The following DLGAP2 variants were observed in gnomAD, a reference collection of about 807,000 sequenced individuals.
DLGAP2 encodes disks large-associated protein 2.
In DLGAP2, 26 loss-of-function variants were observed where a neutral mutation model predicts 100.3. The observed-to-expected ratio is 0.26, with a 90% CI of 0.19 to 0.36. The LOEUF is 0.36. Among genes scored for constraint, DLGAP2 ranks in the 10% least tolerant of loss-of-function variants. DLGAP2 has a pLI of 1.00. For missense variants in DLGAP2, 1,858 were observed against 1,453.2 expected, an observed-to-expected ratio of 1.28 and a Z score of -4.53; for synonymous variants, 886 against 630.1, an observed-to-expected ratio of 1.41 and a Z score of -6.08.
intron 1 of DLGAP2, among the ~76,000 whole-genome samples, chr8:747,515 C>A (rs529715392): frequency 1.2e-5 from 1 of 85,828 alleles, no homozygotes; most frequent in African/African-American, 4.8e-5. Flanking sequence ...AGGACACAGG[C>A]GGCTGGAGGG....
At chr8:1,646,292 C>G (rs1046417041) in intron 8 of DLGAP2, among the ~76,000 whole-genome samples, 3 of 152,212 alleles carry the variant, frequency 2.0e-5, no homozygotes, top group Non-Finnish European at 1.5e-5. Flanking sequence ...CAGCTTGCCA[C>G]TCTCCCTGCA....
intron 14 of DLGAP2, among the ~76,000 whole-genome samples, chr8:1,698,011 T>C (rs1322279890): frequency 6.6e-6 from 1 of 152,188 alleles, no homozygotes; most frequent in East Asian, 1.9e-4. Context: ...TGTTATTAAT[T>C]AAAATGATAA....
chr8:1,381,569 A>G (rs1227033000), intron 3 of DLGAP2, among the ~76,000 whole-genome samples: 2 of 152,036 alleles, frequency 1.3e-5, no homozygotes, highest in African/African-American at 2.4e-5. Flanking sequence ...TTTGGTTAGC[A>G]TCTCCCCGTT....
At chr8:959,569 C>T (rs1048945764) in intron 2 of DLGAP2, among the ~76,000 whole-genome samples, 2 of 152,236 alleles carry the variant, frequency 1.3e-5, no homozygotes, top group Non-Finnish European at 2.9e-5. Flanking sequence ...AGGCTTGCTT[C>T]CTCACTGGGA....
intron 1 of DLGAP2, among the ~76,000 whole-genome samples, chr8:838,797 G>A (rs942746298): frequency 3.3e-5 from 5 of 152,162 alleles, no homozygotes; most frequent in Admixed American, 1.3e-4. Flanking sequence ...CATGGCTGAC[G>A]GCAGAAAGAA....
At chr8:829,056 A>T (rs1217096802) in intron 1 of DLGAP2, among the ~76,000 whole-genome samples, 1 of 152,174 alleles carries the variant, frequency 6.6e-6, no homozygotes, top group Non-Finnish European at 1.5e-5. Context: ...TGATTTTTTT[A>T]AATTAAACCC....
At chr8:1,531,406 T>G (rs1800986392) in intron 4 of DLGAP2, among the ~76,000 whole-genome samples, 1 of 152,196 alleles carries the variant, frequency 6.6e-6, no homozygotes, top group Non-Finnish European at 1.5e-5. Flanking sequence ...AAAAGCTGTT[T>G]TCTTCATTTA....
rs563392705 is a variant in DLGAP2 at position 1,311,712 on chromosome 8, A to G, written c.106+52829A>G. Among the ~76,000 whole-genome samples the G allele has an allele frequency of 4.6e-5, 7 of 152,220 alleles. No homozygotes were observed. In the East Asian group the frequency reaches 1.4e-3, roughly 29 times the overall value. ...TCATAACTGTTCATGATAAAAAAAA[A>G]AAACTCTTATAAAATTAGAAGTAGA... On this transcript the variant is annotated intron_variant, in intron 3 of 14. Transcript: ENST00000637795.
chr8:1,614,415 G>A (rs1034797857), intron 6 of DLGAP2, among the ~76,000 whole-genome samples: 2 of 152,236 alleles, frequency 1.3e-5, no homozygotes, highest in South Asian at 4.1e-4. Flanking sequence ...AGGACAAGGG[G>A]TGCCGAGGTT....
chr8:1,527,358 C>A lies in DLGAP2; in HGVS notation c.173-21268C>A, dbSNP rs1483407148. Among the ~76,000 whole-genome samples the A allele has an allele frequency of 3.9e-5, 6 of 152,248 alleles. No homozygotes were observed. The South Asian group carries it at 1.2e-3, about 32-fold the overall frequency. ...CTCCGGGAGGGGCCACCTGGCACAT[C>A]TCTGAGTCAAGTCACCGTCACAGGC... On this transcript the variant is annotated intron_variant, in intron 4 of 14. Transcript: ENST00000637795.
intron 2 of DLGAP2, among the ~76,000 whole-genome samples, chr8:1,061,617 G>T (rs1306491332): frequency 6.6e-6 from 1 of 152,034 alleles, no homozygotes; most frequent in African/African-American, 2.4e-5. Flanking sequence ...CAGCAGAAAC[G>T]CCCCAAACTG....
At chr8:1,476,514 C>A (rs1243602778) in intron 3 of DLGAP2, among the ~76,000 whole-genome samples, 1 of 152,158 alleles carries the variant, frequency 6.6e-6, no homozygotes, top group Non-Finnish European at 1.5e-5. Context: ...TCCGCTGACA[C>A]CAGCTTGGGT....
At chr8:1,078,735 A>G (rs762159804) in intron 2 of DLGAP2, among the ~76,000 whole-genome samples, 1 of 152,152 alleles carries the variant, frequency 6.6e-6, no homozygotes, top group African/African-American at 2.4e-5. Flanking sequence ...TTGTGGCATT[A>G]TAACTCATTT....
chr8:814,288 T>C (rs1796423533), intron 1 of DLGAP2, among the ~76,000 whole-genome samples: 1 of 152,228 alleles, frequency 6.6e-6, no homozygotes, highest in Non-Finnish European at 1.5e-5. Context: ...ATGGACACAC[T>C]TGGCTCCAGA....
chr8:1,306,657 A>T (rs1330116778), intron 3 of DLGAP2, among the ~76,000 whole-genome samples: 6 of 99,840 alleles, frequency 6.0e-5, no homozygotes, highest in African/African-American at 3.3e-4. Context: ...CAGAGCTATG[A>T]TAAGCAAAAT....
chr8:1,479,181 C>T (rs1412644638), intron 3 of DLGAP2, among the ~76,000 whole-genome samples: 4 of 152,230 alleles, frequency 2.6e-5, no homozygotes, highest in African/African-American at 9.6e-5. Flanking sequence ...AGGAGAGAGG[C>T]TGTGAGTCTG....
chr8:935,736 T>G (rs896407106), intron 2 of DLGAP2, among the ~76,000 whole-genome samples: 1 of 152,172 alleles, frequency 6.6e-6, no homozygotes, highest in African/African-American at 2.4e-5. Flanking sequence ...CCGTGCGTCC[T>G]GCTCTAGTTT....
At chr8:915,110 C>T (rs945831028) in intron 2 of DLGAP2, among the ~76,000 whole-genome samples, 1 of 152,190 alleles carries the variant, frequency 6.6e-6, no homozygotes, top group African/African-American at 2.4e-5. Context: ...GGCAAAGCCT[C>T]CCATTGGGAG....
At chr8:1,582,605 GC>G (rs1313084113) in intron 6 of DLGAP2, among the ~76,000 whole-genome samples, 7 of 151,364 alleles carry the variant, frequency 4.6e-5, no homozygotes, top group East Asian at 2.0e-4. Flanking sequence ...CTTTTCCCCC[GC>G]CAAGATGGAG....
Sources: gnomAD v4.1 joint callset for allele counts (sites outside exome capture counted in the v4.1 genomes callset) on GRCh38, gnomAD v4.1.1 for gene constraint, MANE v1.5 for transcripts, NCBI Gene and HGNC (gene_info 2026-07-23, HGNC 2026-07-21) for gene names.